The following PDE7B variants were observed in gnomAD, a reference collection of about 807,000 sequenced individuals.
PDE7B encodes the protein 3',5'-cyclic-AMP phosphodiesterase 7B.
Under a neutral mutation model 56.2 loss-of-function variants are expected in PDE7B, and 29 were observed. That is an observed-to-expected ratio of 0.52 (90% CI 0.38 to 0.70). The LOEUF is 0.70. Among genes scored for constraint, PDE7B ranks in the 30% least tolerant of loss-of-function variants. The pLI is 0.00. For missense variants in PDE7B, 490 were observed against 565.0 expected, an observed-to-expected ratio of 0.87 and a Z score of 1.35; for synonymous variants, 197 against 196.9, an observed-to-expected ratio of 1.00 and a Z score of 0.00.
intron 1 of PDE7B, among the ~76,000 whole-genome samples, chr6:135,877,170 G>A (rs934650243): frequency 5.3e-5 from 8 of 151,468 alleles, no homozygotes; most frequent in Non-Finnish European, 8.8e-5. Flanking sequence ...TGCTTGTTTT[G>A]TGGATTCCTT....
At chr6:135,943,865 A>G (rs1433572703) in intron 1 of PDE7B, among the ~76,000 whole-genome samples, 1 of 152,214 alleles carries the variant, frequency 6.6e-6, no homozygotes, top group Non-Finnish European at 1.5e-5. Context: ...ACACACATGA[A>G]TTCATATCCT....
chr6:135,962,699 T>C (rs1774924247), intron 2 of PDE7B, among the ~76,000 whole-genome samples: 1 of 152,130 alleles, frequency 6.6e-6, no homozygotes, highest in African/African-American at 2.4e-5. Flanking sequence ...AGAGAGGTGG[T>C]TGTGACTTCA....
At chr6:135,932,252 GT>G (rs1346921202) in intron 1 of PDE7B, among the ~76,000 whole-genome samples, 1 of 152,008 alleles carries the variant, frequency 6.6e-6, no homozygotes, top group African/African-American at 2.4e-5. Context: ...GCACAACAGG[GT>G]GACTATAATC....
At chr6:136,142,213 C>T (rs1290051243) in intron 3 of PDE7B, among the ~76,000 whole-genome samples, 2 of 152,264 alleles carry the variant, frequency 1.3e-5, no homozygotes, top group South Asian at 2.1e-4. Context: ...TCGTTATGTA[C>T]CCAGTAGTCA....
At chr6:135,982,954 C>A (rs1162898716) in intron 2 of PDE7B, among the ~76,000 whole-genome samples, 1 of 152,178 alleles carries the variant, frequency 6.6e-6, no homozygotes, top group Non-Finnish European at 1.5e-5. Context: ...AACTCCCAGT[C>A]TCTGTTTTGT....
intron 1 of PDE7B, among the ~76,000 whole-genome samples, chr6:135,927,628 A>G (rs900295147): frequency 1.3e-5 from 2 of 152,088 alleles, no homozygotes; most frequent in African/African-American, 2.4e-5. Flanking sequence ...ATTCCTAGGA[A>G]TTTTATTCTT....
intron 1 of PDE7B, among the ~76,000 whole-genome samples, chr6:135,922,768 G>A (rs1774109985): frequency 6.6e-6 from 1 of 152,190 alleles, no homozygotes; most frequent in Admixed American, 6.5e-5. Context: ...TCTATGTTAA[G>A]TCAGTGTAAT....
intron 3 of PDE7B, among the ~76,000 whole-genome samples, chr6:136,122,736 TA>T (rs1777957970): frequency 6.6e-6 from 1 of 150,620 alleles, no homozygotes; most frequent in East Asian, 2.0e-4. Flanking sequence ...GTAGATTCTG[TA>T]AATTATTATC....
At chr6:136,041,618 C>G (rs1350281202) in intron 2 of PDE7B, among the ~76,000 whole-genome samples, 1 of 152,214 alleles carries the variant, frequency 6.6e-6, no homozygotes, top group Admixed American at 6.5e-5. Flanking sequence ...TGGGAGTGCC[C>G]CCAAAGCTGG....
At chr6:135,874,286 G>A (rs563025990) in intron 1 of PDE7B, among the ~76,000 whole-genome samples, 1 of 152,124 alleles carries the variant, frequency 6.6e-6, no homozygotes, top group South Asian at 2.1e-4. Flanking sequence ...TTGGTCTAAT[G>A]GTTTTCTTTC....
chr6:135,988,966 A>T (rs1442913322), intron 2 of PDE7B, among the ~76,000 whole-genome samples: 2 of 152,232 alleles, frequency 1.3e-5, no homozygotes, highest in Non-Finnish European at 2.9e-5. Context: ...CACTAAGGAA[A>T]TATAACCCTT....
At chr6:136,073,819 A>G (rs1777087350) in intron 2 of PDE7B, among the ~76,000 whole-genome samples, 1 of 152,242 alleles carries the variant, frequency 6.6e-6, no homozygotes, top group Admixed American at 6.5e-5. Flanking sequence ...AAGGTTGATC[A>G]TGATACGTAT....
At chr6:135,855,533 T>C (rs972902198) in intron 1 of PDE7B, among the ~76,000 whole-genome samples, 43 of 152,338 alleles carry the variant, frequency 2.8e-4, no homozygotes, top group Admixed American at 2.8e-3. Flanking sequence ...ATCTATAATG[T>C]GATTAATTAA....
chr6:136,126,465 G>A (rs562166541), intron 3 of PDE7B, among the ~76,000 whole-genome samples: 2 of 152,272 alleles, frequency 1.3e-5, no homozygotes, highest in South Asian at 4.1e-4. Context: ...TCTACCCAGA[G>A]GAAAAGAAGT....
rs555559378 is a variant in PDE7B, at chr6:135,931,723, G to A, written c.22-15741G>A. Among the ~76,000 whole-genome samples the A allele has an allele frequency of 2.8e-4, 43 of 152,158 alleles. No individual in the cohort carries two copies. In the South Asian group the frequency reaches 8.3e-3, roughly 29 times the overall value. On this transcript the variant is annotated intron_variant, in intron 1 of 12. Transcript: ENST00000308191. Reference sequence around the variant, plus strand: ...GAACATAATTCCACAATGATAGCACGGTGCACAATACATCATTTTTTGGAA... The same window carrying A: ...GAACATAATTCCACAATGATAGCACAGTGCACAATACATCATTTTTTGGAA...
chr6:136,143,006 G>A (rs148749254), intron 3 of PDE7B, among the ~76,000 whole-genome samples: 169 of 152,218 alleles, frequency 1.1e-3, no homozygotes, highest in Non-Finnish European at 2.0e-3. Flanking sequence ...ATGTTAGCTG[G>A]TTATTTTGCC....
intron 2 of PDE7B, among the ~76,000 whole-genome samples, chr6:135,957,119 C>T (rs1490107135): frequency 3.3e-5 from 5 of 152,020 alleles, no homozygotes; most frequent in Non-Finnish European, 7.4e-5. Context: ...TCCCCGTGGG[C>T]GAGGAAGCAT....
chr6:136,170,238 C>T (rs531864098), intron 8 of PDE7B, among the ~76,000 whole-genome samples: 1 of 152,120 alleles, frequency 6.6e-6, no homozygotes, highest in Non-Finnish European at 1.5e-5. Context: ...GACTCCATTT[C>T]GTCACCAAAT....
intron 3 of PDE7B, among the ~76,000 whole-genome samples, chr6:136,133,756 A>G (rs1778159871): frequency 4.6e-5 from 7 of 152,144 alleles, no homozygotes; most frequent in Admixed American, 4.6e-4. Context: ...TTACTGCAAT[A>G]CTAGGAGGAG....
Sources: gnomAD v4.1 joint callset for allele counts (sites outside exome capture counted in the v4.1 genomes callset) on GRCh38, gnomAD v4.1.1 for gene constraint, MANE v1.5 for transcripts, NCBI Gene and HGNC (gene_info 2026-07-23, HGNC 2026-07-21) for gene names.